The following CDH13 variants were observed in gnomAD, a reference collection of about 807,000 sequenced individuals.
The protein encoded by CDH13 is cadherin 13.
A neutral mutation model predicts 63.8 loss-of-function variants in CDH13; 24 were observed. The ratio of observed to expected loss-of-function variants is 0.38; its 90% CI spans 0.27 to 0.53. The LOEUF (loss-of-function observed/expected upper bound fraction) is 0.53, where lower values mean the gene tolerates loss of function less well. CDH13 is among the 20% of genes least tolerant of loss of function. The pLI, the probability that CDH13 is intolerant of heterozygous loss-of-function variation, is 0.85. For missense variants in CDH13, 1,049 were observed against 903.1 expected, an observed-to-expected ratio of 1.16 and a Z score of -2.07; for synonymous variants, 503 against 355.3, an observed-to-expected ratio of 1.42 and a Z score of -4.67.
chr16:82,741,507 C>G (rs914658060), intron 1 of CDH13, among the ~76,000 whole-genome samples: 4 of 152,198 alleles, frequency 2.6e-5, no homozygotes, highest in Non-Finnish European at 5.9e-5. Flanking sequence ...CATTCATGCG[C>G]CTTTTGCTGC....
At position 83,797,720 on chromosome 16, in the gene CDH13, C is replaced by T. The variant is rs1282590237; in HGVS notation, c.*2690C>T. Reference sequence around the variant, plus strand: ...ATTAAAAAACGAAGTCAAGTAAGGACCAGAAATTGCTTTTCCCAATTACTG... The same window carrying T: ...ATTAAAAAACGAAGTCAAGTAAGGATCAGAAATTGCTTTTCCCAATTACTG... On this transcript the variant is annotated 3_prime_UTR_variant, in exon 14 of 14. Coordinates refer to ENST00000567109, the MANE Select transcript of CDH13 (RefSeq NM_001257.5). 6.6e-6 allele frequency: 1 copy of T among 152,164 alleles called. No homozygotes were observed. Among genetic ancestry groups the T allele is most frequent in the Non-Finnish European group, 1.5e-5 (1 of 68,038 alleles). The allele number at this position is 152,164 out of a possible 1,614,324, so 9.4% of individuals were successfully genotyped here.
At chr16:82,776,215 A>T (rs1382377052) in intron 1 of CDH13, among the ~76,000 whole-genome samples, 1 of 142,556 alleles carries the variant, frequency 7.0e-6, no homozygotes, top group Non-Finnish European at 1.5e-5. Flanking sequence ...TGAAGAAAGG[A>T]AGGAAGGGAT....
intron 5 of CDH13, among the ~76,000 whole-genome samples, chr16:83,242,986 G>T (rs1049416501): frequency 6.6e-6 from 1 of 152,100 alleles, no homozygotes; most frequent in African/African-American, 2.4e-5. Context: ...GGTGAAGTAG[G>T]CACTATTATT....
intron 2 of CDH13, among the ~76,000 whole-genome samples, chr16:82,889,888 G>A (rs980510846): frequency 6.6e-6 from 1 of 152,202 alleles, no homozygotes; most frequent in African/African-American, 2.4e-5. Context: ...AGAGATGCTT[G>A]CTCAAGAGAG....
In CDH13 at chr16:83,144,372, G is replaced by A. The variant is rs1319164928; in HGVS notation, c.483+18871G>A. 2.0e-5 allele frequency among the ~76,000 whole-genome samples: 3 copies of A among 152,224 alleles called. No homozygotes were observed. The East Asian group carries it at 5.8e-4, about 29-fold the overall frequency. On this transcript the variant is annotated intron_variant, in intron 4 of 13. Coordinates refer to ENST00000567109, the MANE Select transcript of CDH13 (RefSeq NM_001257.5). The stretch of plus-strand genomic sequence containing the variant: ...AAGGATGCTAACTTGAATTAGCTTT[G>A]CCCAAGCAGAATATTTTAAAAAATA...
chr16:83,651,716 C>G (rs1912397714), intron 8 of CDH13, among the ~76,000 whole-genome samples: 1 of 151,594 alleles, frequency 6.6e-6, no homozygotes, highest in Non-Finnish European at 1.5e-5. Flanking sequence ...CTGCCTCAGC[C>G]TCCCAAGTAG....
chr16:82,754,381 A>G (rs1484972371), intron 1 of CDH13, among the ~76,000 whole-genome samples: 3 of 152,166 alleles, frequency 2.0e-5, no homozygotes, highest in African/African-American at 7.2e-5. Flanking sequence ...AGGGAAAATT[A>G]TTGTCTCCAT....
At chr16:83,040,132 C>G (rs1917209549) in intron 3 of CDH13, among the ~76,000 whole-genome samples, 1 of 151,884 alleles carries the variant, frequency 6.6e-6, no homozygotes, top group Non-Finnish European at 1.5e-5. Flanking sequence ...TGGCATGAAT[C>G]CCAGTGCTGC....
At chr16:83,233,435 A>T (rs1244327559) in intron 5 of CDH13, among the ~76,000 whole-genome samples, 1 of 152,206 alleles carries the variant, frequency 6.6e-6, no homozygotes, top group African/African-American at 2.4e-5. Flanking sequence ...CTGCCCAAAC[A>T]AATTACTGCA....
At chr16:83,231,269 A>T (rs1394709476) in intron 5 of CDH13, among the ~76,000 whole-genome samples, 1 of 152,202 alleles carries the variant, frequency 6.6e-6, no homozygotes, top group Admixed American at 6.5e-5. Context: ...CCCTGGGGTG[A>T]TGGAGAGTTG....
chr16:83,566,662 G>A (rs1264207134), intron 7 of CDH13, among the ~76,000 whole-genome samples: 1 of 152,134 alleles, frequency 6.6e-6, no homozygotes, highest in East Asian at 1.9e-4. Context: ...CAGATGGGAG[G>A]TTCTGGTCAC....
At chr16:83,429,805 C>A (rs1393014898) in intron 6 of CDH13, among the ~76,000 whole-genome samples, 1 of 152,146 alleles carries the variant, frequency 6.6e-6, no homozygotes, top group African/African-American at 2.4e-5. Context: ...ATGAGCTCTA[C>A]CCTCTTAACA....
At chr16:82,662,841 C>A (rs530880044) in intron 1 of CDH13, among the ~76,000 whole-genome samples, 2 of 152,168 alleles carry the variant, frequency 1.3e-5, no homozygotes, top group East Asian at 3.9e-4. Context: ...GTCCTCCAGG[C>A]CAGTGTGAGG....
At chr16:83,758,836 C>G (rs1913723425) in intron 11 of CDH13, among the ~76,000 whole-genome samples, 1 of 152,204 alleles carries the variant, frequency 6.6e-6, no homozygotes, top group Non-Finnish European at 1.5e-5. Context: ...TGCAAGTCCT[C>G]TACAATGAAA....
In CDH13 at chr16:82,943,979, C is replaced by G. The variant is rs370695334; in HGVS notation, c.157+85506C>G. Among the ~76,000 whole-genome samples, 449 of 152,332 alleles carry G rather than the reference C, an allele frequency of 2.9e-3. 3 individuals carry two copies. Among genetic ancestry groups the G allele is most frequent in the South Asian group, 0.017 (82 of 4,824 alleles). ...GTTGTCCTTGGCATCTTATTCAGGT[C>G]TGGCTTCCACTGCAGTGAATGCACT... On this transcript the variant is annotated intron_variant, in intron 2 of 13. Transcript: ENST00000567109.
chr16:83,586,971 T>G (rs1906224291), intron 7 of CDH13, among the ~76,000 whole-genome samples: 1 of 152,192 alleles, frequency 6.6e-6, no homozygotes, highest in African/African-American at 2.4e-5. Context: ...TGTCTCAAAT[T>G]GCTTTCCTGT....
chr16:83,711,861 C>T (rs1401100353), intron 10 of CDH13, among the ~76,000 whole-genome samples: 1 of 152,182 alleles, frequency 6.6e-6, no homozygotes. Flanking sequence ...ATTCTTTCTC[C>T]AGGGTTGCCA....
At chr16:83,181,844 TAGATTTCCCATGG>T (rs1251693976) in intron 4 of CDH13, among the ~76,000 whole-genome samples, 1 of 152,130 alleles carries the variant, frequency 6.6e-6, no homozygotes, top group Non-Finnish European at 1.5e-5. Flanking sequence ...ACAGTTTGCA[TAGATTTCCCATGG>T]AGATGTTGAT....
intron 7 of CDH13, among the ~76,000 whole-genome samples, chr16:83,558,828 C>T (rs4238692): frequency 0.31 from 46,709 of 152,002 alleles, 7,250 homozygotes; most frequent in African/African-American, 0.36. Flanking sequence ...AATTTACCCA[C>T]GTGGGTAGGT....
Sources: gnomAD v4.1 joint callset for allele counts (sites outside exome capture counted in the v4.1 genomes callset) on GRCh38, gnomAD v4.1.1 for gene constraint, MANE v1.5 for transcripts, NCBI Gene and HGNC (gene_info 2026-07-23, HGNC 2026-07-21) for gene names.